The following ERC1 variants were observed in gnomAD, a reference collection of about 807,000 sequenced individuals.
ERC1 encodes the protein ELKS/RAB6-interacting/CAST family member 1, also known as RAB6 interacting protein 2.
A neutral mutation model predicts 132.0 loss-of-function variants in ERC1; 56 were observed. That is an observed-to-expected ratio of 0.42 (90% CI 0.34 to 0.53). The LOEUF (loss-of-function observed/expected upper bound fraction) is 0.53, where lower values mean the gene tolerates loss of function less well. Among genes scored for constraint, ERC1 ranks in the 20% least tolerant of loss-of-function variants. The pLI is 0.03. For missense variants in ERC1, 1,202 were observed against 1,349.9 expected (o/e 0.89, Z 1.72); for synonymous variants, 478 against 476.1 (o/e 1.00, Z -0.05).
At chr12:1,132,738 A>G (rs2154241335) in intron 7 of ERC1, among the ~76,000 whole-genome samples, 2 of 152,248 alleles carry the variant, frequency 1.3e-5, no homozygotes, top group Middle Eastern at 3.4e-3. Flanking sequence ...ATTAATGCTT[A>G]GAAGAACTGA....
At chr12:1,254,522 TA>T (rs2076667143) in intron 13 of ERC1, among the ~76,000 whole-genome samples, 1 of 152,174 alleles carries the variant, frequency 6.6e-6, no homozygotes, top group Non-Finnish European at 1.5e-5. Flanking sequence ...TTATTTTATA[TA>T]TTTTTTTGAG....
At chr12:1,392,799 A>G (rs952556247) in intron 16 of ERC1, among the ~76,000 whole-genome samples, 4 of 152,220 alleles carry the variant, frequency 2.6e-5, no homozygotes, top group African/African-American at 9.6e-5. Context: ...ATTTTAATAA[A>G]TGGTGGTTTT....
intron 14 of ERC1, among the ~76,000 whole-genome samples, chr12:1,263,909 C>T (rs1182727115): frequency 1.3e-5 from 2 of 151,742 alleles, no homozygotes; most frequent in Non-Finnish European, 2.9e-5. Flanking sequence ...AGGCTGGTCT[C>T]GAACTCCTGA....
At chr12:1,399,430 T>C (rs745876756) in intron 16 of ERC1, among the ~76,000 whole-genome samples, 1 of 152,194 alleles carries the variant, frequency 6.6e-6, no homozygotes, top group Non-Finnish European at 1.5e-5. Flanking sequence ...CAATACCCTA[T>C]TTTTTAAAGT....
chr12:1,209,957 G>A (rs1383550603), intron 12 of ERC1, among the ~76,000 whole-genome samples: 9 of 152,188 alleles, frequency 5.9e-5, no homozygotes, highest in African/African-American at 1.9e-4. Context: ...GTTAAAGGAC[G>A]TCTGAGGTTT....
intron 15 of ERC1, among the ~76,000 whole-genome samples, chr12:1,310,214 A>ATTTTGTTGTGTTTTG (rs149839604): frequency 6.9e-6 from 1 of 144,342 alleles, no homozygotes; most frequent in Non-Finnish European, 1.5e-5. Context: ...GTTCTTTTTT[A>ATTTTGTTGTGTTTTG]TTTTATTTTA....
Position 1,133,531 on chromosome 12 carries a change from C to T in ERC1, c.1570-8089C>T, listed in dbSNP as rs553625827. On this transcript the variant is annotated intron_variant, in intron 7 of 18. Coordinates refer to ENST00000360905, the MANE Select transcript of ERC1 (RefSeq NM_178040.4). ...GTGGGTTCTTTGGCATCTTGAGCAG[C>T]CTGGTTGTTGAATTTCATATTCCAC... Among the ~76,000 whole-genome samples the T allele has an allele frequency of 5.1e-4, 77 of 152,234 alleles. No homozygotes were observed. The South Asian group carries it at 9.1e-3, about 18-fold the overall frequency.
chr12:1,104,142 AG>A (rs1944984432), intron 3 of ERC1, among the ~76,000 whole-genome samples: 1 of 150,994 alleles, frequency 6.6e-6, no homozygotes, highest in Non-Finnish European at 1.5e-5. Context: ...AAAAAAAAAA[AG>A]CTATGTTTTT....
chr12:1,292,271 G>A (rs1234630977), intron 15 of ERC1, among the ~76,000 whole-genome samples: 1 of 152,172 alleles, frequency 6.6e-6, no homozygotes, highest in Non-Finnish European at 1.5e-5. Context: ...GGGTGGCAGA[G>A]CTCTTTGGTT....
Position 994,066 on chromosome 12 carries a change from C to CAAAA in ERC1, c.-157+2770_-157+2773dup, listed in dbSNP as rs72073964. 1.7e-3 allele frequency among the ~76,000 whole-genome samples: 110 copies of CAAAA among 64,268 alleles called. 9 individuals carry two copies. Among genetic ancestry groups the CAAAA allele is most frequent in the Non-Finnish European group, 2.4e-3 (78 of 32,896 alleles). 42.2% of individuals were successfully genotyped at this position (64,268 alleles called of 152,430 possible). ...CCTGAGTCACGGCAAAACTCCGTCTCAAAAAAAAAAAAAAAAAAAAAAAAA... is the reference window on the plus strand; with the variant it reads ...CCTGAGTCACGGCAAAACTCCGTCTCAAAAAAAAAAAAAAAAAAAAAAAAAAAAA... On this transcript the variant is annotated intron_variant, in intron 1 of 18. Coordinates refer to ENST00000360905, the MANE Select transcript of ERC1 (RefSeq NM_178040.4).
At chr12:1,025,414 G>T (rs1020618829) in intron 1 of ERC1, among the ~76,000 whole-genome samples, 2 of 151,900 alleles carry the variant, frequency 1.3e-5, no homozygotes, top group Admixed American at 6.6e-5. Context: ...CCTAGCTTTT[G>T]GTTTATCTTT....
intron 3 of ERC1, among the ~76,000 whole-genome samples, chr12:1,093,942 A>AATATATATATTTTTATATATATATATAT (rs1943595659): frequency 2.0e-5 from 1 of 50,810 alleles, no homozygotes. Flanking sequence ...TTTCTATATA[A>AATATATATATTTTTATATATATATATAT]ATATATATAT....
chr12:1,346,804 C>T (rs908801250), intron 15 of ERC1, among the ~76,000 whole-genome samples: 6 of 150,452 alleles, frequency 4.0e-5, no homozygotes, highest in Non-Finnish European at 5.9e-5. Flanking sequence ...TAGCCGGGCG[C>T]GGTGGCGGGC....
At chr12:1,381,732 C>T (rs772394994) in intron 16 of ERC1, among the ~76,000 whole-genome samples, 14 of 152,138 alleles carry the variant, frequency 9.2e-5, no homozygotes, top group Non-Finnish European at 1.6e-4. Context: ...TCTGGAATTG[C>T]CTTGCACTTC....
chr12:1,129,479 T>C (rs1306789770), intron 7 of ERC1, among the ~76,000 whole-genome samples: 1 of 152,196 alleles, frequency 6.6e-6, no homozygotes, highest in African/African-American at 2.4e-5. Flanking sequence ...TGAGCTATGA[T>C]TGTGCCACTG....
At chr12:1,252,837 G>A (rs575763569) in intron 13 of ERC1, among the ~76,000 whole-genome samples, 24 of 152,264 alleles carry the variant, frequency 1.6e-4, no homozygotes, top group Non-Finnish European at 3.4e-4. Context: ...TCCCCACAAA[G>A]CATCTGAGAA....
At chr12:1,125,070 C>T (rs1469915270) in intron 7 of ERC1, among the ~76,000 whole-genome samples, 1 of 152,034 alleles carries the variant, frequency 6.6e-6, no homozygotes, top group Non-Finnish European at 1.5e-5. Flanking sequence ...TCTTGGCTCA[C>T]TGCAACCTCC....
intron 15 of ERC1, among the ~76,000 whole-genome samples, chr12:1,303,480 C>CA (rs201728461): frequency 8.0e-5 from 12 of 149,982 alleles, no homozygotes; most frequent in Admixed American, 2.7e-4. Context: ...ACTAAAAATA[C>CA]AAAAAAAAAT....
At chr12:1,016,110 C>G (rs1965461167) in intron 1 of ERC1, among the ~76,000 whole-genome samples, 1 of 149,840 alleles carries the variant, frequency 6.7e-6, no homozygotes. Flanking sequence ...AGATTTATGT[C>G]AGAATTTCAC....
Sources: gnomAD v4.1 joint callset for allele counts (sites outside exome capture counted in the v4.1 genomes callset) on GRCh38, gnomAD v4.1.1 for gene constraint, MANE v1.5 for transcripts, NCBI Gene and HGNC (gene_info 2026-07-23, HGNC 2026-07-21) for gene names.